Variants in CASQ2 observed in about 807,000 individuals in gnomAD.
CASQ2 encodes the protein calsequestrin-2.
CASQ2 carries 49 observed loss-of-function variants against 46.5 expected under a neutral mutation model. The ratio of observed to expected loss-of-function variants is 1.05; its 90% CI spans 0.84 to 1.34. The LOEUF (loss-of-function observed/expected upper bound fraction) is 1.34. Among genes scored for constraint, CASQ2 ranks in the 40% most tolerant of loss-of-function variants. The pLI, the probability that CASQ2 is intolerant of heterozygous loss-of-function variation, is 0.00. For missense variants in CASQ2, 486 were observed against 481.3 expected (o/e 1.01, Z -0.09); for synonymous variants, 174 against 168.5 (o/e 1.03, Z -0.25).
chr1:115,741,145 G>A (rs191420183), intron 2 of CASQ2, among the ~76,000 whole-genome samples: 2 of 152,270 alleles, frequency 1.3e-5, no homozygotes, highest in African/African-American at 4.8e-5. Flanking sequence ...GAATTGTAAT[G>A]GCCACTGCCC....
chr1:115,735,311 A>G, intron 4 of CASQ2, among the ~76,000 whole-genome samples: 1 of 152,206 alleles, frequency 6.6e-6, no homozygotes, highest in East Asian at 1.9e-4. Context: ...CTGCTCTTTC[A>G]TCCTAAAGTG....
chr1:115,749,872 G>A (rs187371601), intron 1 of CASQ2, among the ~76,000 whole-genome samples: 12 of 152,274 alleles, frequency 7.9e-5, no homozygotes, highest in African/African-American at 2.9e-4. Flanking sequence ...CCTGGCCACC[G>A]TTGGCTGCAG....
chr1:115,714,813 C>T (rs1369276557), intron 8 of CASQ2, among the ~76,000 whole-genome samples: 2 of 152,244 alleles, frequency 1.3e-5, no homozygotes, highest in Non-Finnish European at 2.9e-5. Flanking sequence ...TCCTCCCTAT[C>T]CCCCTGCCCT....
chr1:115,746,308 A>G (rs1648388997), intron 1 of CASQ2, among the ~76,000 whole-genome samples: 1 of 152,132 alleles, frequency 6.6e-6, no homozygotes, highest in South Asian at 2.1e-4. Context: ...TAGGTTTTTG[A>G]GTTAAATATT....
Position 115,750,402 on chromosome 1 carries a change from G to T in CASQ2, c.235-5490C>A, listed in dbSNP as rs114516967. On this transcript the variant is annotated intron_variant, in intron 1 of 10. Coordinates refer to ENST00000261448, the MANE Select transcript of CASQ2 (RefSeq NM_001232.4). ...TGGTTATATGCAGCCTCTGGGCATT[G>T]GTCAGTGCTCATTCTTTCTAGAAAC... Among the ~76,000 whole-genome samples the T allele has an allele frequency of 2.7e-3, 418 of 152,304 alleles. 1 individual carries two copies. Among genetic ancestry groups the T allele is most frequent in the African/African-American group, 9.7e-3 (402 of 41,554 alleles).
rs555289196 is a variant in CASQ2, at chr1:115,704,696, A to G, written c.939+496T>C. On this transcript the variant is annotated intron_variant, in intron 9 of 10. Coordinates refer to ENST00000261448, the MANE Select transcript of CASQ2 (RefSeq NM_001232.4). Reference sequence around the variant, plus strand: ...AGTGTGGACTTGAAGTTTCTTTCACATTCATCGTAGGCTAGACACTATGCT... The same window carrying G: ...AGTGTGGACTTGAAGTTTCTTTCACGTTCATCGTAGGCTAGACACTATGCT... Among the ~76,000 whole-genome samples the G allele has an allele frequency of 1.3e-3, 197 of 152,304 alleles. 1 individual carries two copies. The highest frequency in any genetic ancestry group is 4.5e-3 in the African/African-American group (185 of 41,560).
intron 7 of CASQ2, among the ~76,000 whole-genome samples, chr1:115,720,365 C>A (rs1323233836): frequency 6.6e-6 from 1 of 152,136 alleles, no homozygotes; most frequent in Non-Finnish European, 1.5e-5. Flanking sequence ...GGGCATTAAT[C>A]CCAACATGAG....
chr1:115,708,683 A>G (rs878911689), intron 8 of CASQ2, among the ~76,000 whole-genome samples: 4 of 152,208 alleles, frequency 2.6e-5, no homozygotes, highest in Admixed American at 2.6e-4. Flanking sequence ...CCATTATTTT[A>G]CTTAAATTAC....
chr1:115,764,279 T>C (rs1405024624), intron 1 of CASQ2, among the ~76,000 whole-genome samples: 1 of 152,206 alleles, frequency 6.6e-6, no homozygotes, highest in African/African-American at 2.4e-5. Flanking sequence ...TGGAATACTA[T>C]GCTGGTATTA....
Position 115,700,527 on chromosome 1 carries a change from G to T in CASQ2, c.*714C>A, listed in dbSNP as rs1557783386. 1 of 153,670 alleles carries T rather than the reference G, an allele frequency of 6.5e-6. No homozygotes were observed. Among genetic ancestry groups the T allele is most frequent in the Non-Finnish European group, 1.4e-5 (1 of 69,180 alleles). The allele number at this position is 153,670 out of a possible 1,614,324, so 9.5% of individuals were successfully genotyped here. The stretch of plus-strand genomic sequence containing the variant: ...AATATGTGAGACTTGCCAACTAGAG[G>T]GAAGTTTAGAGAGCAAATCAACCTC... On this transcript the variant is annotated 3_prime_UTR_variant, in exon 11 of 11. Transcript: ENST00000261448.
intron 5 of CASQ2, among the ~76,000 whole-genome samples, chr1:115,727,519 A>T (rs760306292): frequency 6.6e-6 from 1 of 152,238 alleles, no homozygotes; most frequent in Non-Finnish European, 1.5e-5. Context: ...AATGTTGATA[A>T]AACAGGCAAT....
chr1:115,739,424 AT>A (rs759606517), intron 3 of CASQ2, among the ~76,000 whole-genome samples: 77 of 151,776 alleles, frequency 5.1e-4, no homozygotes, highest in African/African-American at 1.7e-3. Context: ...CATGTACCAC[AT>A]TTTTTTTAAT....
In CASQ2 at chr1:115,725,498, T is replaced by C; in HGVS notation, c.783+10A>G. The C allele has an allele frequency of 6.2e-7, 1 of 1,607,052 alleles. No homozygotes were observed. The highest frequency in any genetic ancestry group is 8.5e-7 in the Non-Finnish European group (1 of 1,178,058). On this transcript the variant is annotated intron_variant, in intron 7 of 10. Transcript: ENST00000261448. The stretch of plus-strand genomic sequence containing the variant: ...CTCTACAAGGCAAAGAGAGTTTGCC[T>C]CTTTCTTACCCATGTTTCAAACATT...
intron 2 of CASQ2, 124 bp downstream of exon 2, chr1:115,744,704 C>A: frequency 1.4e-6 from 1 of 714,980 alleles, no homozygotes; most frequent in Non-Finnish European, 2.5e-6. Context: ...TGAAGGTATG[C>A]AGGATCATTT....
chr1:115,739,132 G>A (rs1295493251), intron 3 of CASQ2, among the ~76,000 whole-genome samples: 1 of 25,512 alleles, frequency 3.9e-5, no homozygotes, highest in Admixed American at 6.2e-4. Flanking sequence ...TTCTTTTTGA[G>A]ATGGAGTCAT....
chr1:115,737,368 A>G (rs1351192500), intron 4 of CASQ2, among the ~76,000 whole-genome samples: 1 of 152,186 alleles, frequency 6.6e-6, no homozygotes, highest in Non-Finnish European at 1.5e-5. Flanking sequence ...ATGGGTTTGC[A>G]AACAATTTCA....
intron 1 of CASQ2, among the ~76,000 whole-genome samples, chr1:115,765,291 G>T (rs1051150054): frequency 6.6e-6 from 1 of 152,160 alleles, no homozygotes; most frequent in Admixed American, 6.5e-5. Flanking sequence ...TAATTGAATG[G>T]TATTTCAAGT....
In CASQ2 at chr1:115,702,951, CCTGAATAGGT is replaced by C. The variant is rs1255988597; in HGVS notation, c.974_983del (p.Asp325GlyfsTer7). The C allele has an allele frequency of 5.6e-6, 9 of 1,613,570 alleles. No homozygotes were observed. The highest frequency in any genetic ancestry group is 7.6e-6 in the Non-Finnish European group (9 of 1,179,860). The stretch of plus-strand genomic sequence containing the variant: ...TGACATTCACCACCCCAATCTGTGG[CCTGAATAGGT>C]CAATCTTGAAAGTCTTCTCCCAGTA... On this transcript the variant is annotated frameshift_variant, in exon 10 of 11. Coordinates refer to ENST00000261448, the MANE Select transcript of CASQ2 (RefSeq NM_001232.4). LOFTEE classifies it high-confidence loss of function.
At chr1:115,749,986 T>A (rs1648522847) in intron 1 of CASQ2, among the ~76,000 whole-genome samples, 1 of 152,142 alleles carries the variant, frequency 6.6e-6, no homozygotes, top group South Asian at 2.1e-4. Flanking sequence ...ATCATTAGAG[T>A]TGTGTATAGT....
Sources: gnomAD v4.1 joint callset for allele counts (sites outside exome capture counted in the v4.1 genomes callset) on GRCh38, gnomAD v4.1.1 for gene constraint, MANE v1.5 for transcripts, NCBI Gene and HGNC (gene_info 2026-07-23, HGNC 2026-07-21) for gene names.